LILRA2: variants seen among roughly 807,000 people sequenced by gnomAD.
LILRA2 encodes leukocyte immunoglobulin-like receptor subfamily A member 2.
LILRA2 carries 45 observed loss-of-function variants against 47.9 expected under a neutral mutation model. The ratio of observed to expected loss-of-function variants is 0.94; its 90% CI spans 0.74 to 1.20. The LOEUF is 1.20. Among genes scored for constraint, LILRA2 ranks in the 50% most tolerant of loss-of-function variants. The pLI is 0.00. For synonymous variants in LILRA2, 279 were observed against 249.2 expected (o/e 1.12, Z -1.13); for missense variants, 651 against 598.2 (o/e 1.09, Z -0.92).
In LILRA2 at chr19:54,576,078, C is replaced by A; in HGVS notation, c.1224C>A (p.Leu408=). ...SLSSNPYLLS[L]PSDPLELVVS... ...GCTCCAACCCCTACCTGCTGTCTCT[C>A]CCCAGTGACCCCCTGGAGCTCGTGG... The change falls in exon 6 of 8, where the codon CTC becomes CTA. Residue 408 remains leucine (L), a synonymous_variant. Transcript: ENST00000391738. 1 of 1,613,584 alleles carries A rather than the reference C, an allele frequency of 6.2e-7. No homozygotes were observed. Among genetic ancestry groups the A allele is most frequent in the Non-Finnish European group, 8.5e-7 (1 of 1,179,460 alleles).
At chr19:54,577,403 A>C (rs1352989451) in intron 6 of LILRA2, 1 of 1,186,760 alleles carries the variant, frequency 8.4e-7, no homozygotes, top group African/African-American at 1.6e-5. Flanking sequence ...GAAGAGAGGC[A>C]GGTGAGTTGG....
rs1222336328 is a variant in LILRA2 at position 54,590,250 on chromosome 19, G to A, written c.*2904G>A. 1 of 151,550 alleles carries A rather than the reference G, an allele frequency of 6.6e-6. No homozygotes were observed. The highest frequency in any genetic ancestry group is 1.9e-4 in the East Asian group (1 of 5,192). 9.4% of individuals were successfully genotyped at this position (151,550 alleles called of 1,614,324 possible). On this transcript the variant is annotated 3_prime_UTR_variant, in exon 8 of 8. Transcript: ENST00000391738. ...TTTTTTTCATTTCTAGTTTTTCTCC[G>A]ATGACTAATGAAAAATTTAATAAAT...
intron 6 of LILRA2, among the ~76,000 whole-genome samples, chr19:54,581,785 T>A (rs1303924111): frequency 6.6e-6 from 1 of 151,746 alleles, no homozygotes; most frequent in African/African-American, 2.4e-5. Context: ...AAGCTACCAA[T>A]GACTTTCTTC....
At chr19:54,585,186 G>A (rs1219100857) in intron 6 of LILRA2, among the ~76,000 whole-genome samples, 1 of 152,318 alleles carries the variant, frequency 6.6e-6, no homozygotes, top group African/African-American at 2.4e-5. Context: ...CCTGTTTGAG[G>A]TGTCTGTTGG....
rs2062897010 is a variant in LILRA2, at chr19:54,589,857, A to G, written c.*2511A>G. On this transcript the variant is annotated 3_prime_UTR_variant, in exon 8 of 8. Transcript: ENST00000391738. Reference sequence around the variant, plus strand: ...AGACAGGCACATGCCAGCTGTTTCCATTCATCCAACCTGAACCTGAGCCCC... The same window carrying G: ...AGACAGGCACATGCCAGCTGTTTCCGTTCATCCAACCTGAACCTGAGCCCC... The G allele has an allele frequency of 1.3e-5, 2 of 152,148 alleles. No homozygotes were observed. The highest frequency in any genetic ancestry group is 4.8e-5 in the African/African-American group (2 of 41,428). 9.4% of individuals were successfully genotyped at this position (152,148 alleles called of 1,614,324 possible).
Position 54,575,814 on chromosome 19 carries a change from C to T in LILRA2, c.960C>T (p.Phe320=), listed in dbSNP as rs762585553. 5.1e-5 allele frequency: 83 copies of T among 1,613,506 alleles called. No individual in the cohort carries two copies. The highest frequency in any genetic ancestry group is 6.7e-5 in the African/African-American group (5 of 74,794). The stretch of plus-strand genomic sequence containing the variant: ...CATCCTTCTTCTCTCTAGGACAGTT[C>T]TATGACAGACCCTCTCTCTCGGTGC... ...DPLDILITGQ[F]YDRPSLSVQP... Residue 320 remains phenylalanine, a synonymous_variant, in exon 6 of 8, where the codon TTC becomes TTT. Coordinates refer to ENST00000391738, the MANE Select transcript of LILRA2 (RefSeq NM_001130917.3).
At chr19:54,577,395 A>C in intron 6 of LILRA2, 13 of 1,162,574 alleles carry the variant, frequency 1.1e-5, no homozygotes, top group Non-Finnish European at 1.3e-5. Flanking sequence ...TGGAGGAGGA[A>C]GAGAGGCAGG....
chr19:54,574,039 T>C (rs1224817339), intron 1 of LILRA2, 37 bp from the exon 2 acceptor site: 1 of 1,614,028 alleles, frequency 6.2e-7, no homozygotes, highest in African/African-American at 1.3e-5. Flanking sequence ...TGCCCAGGCT[T>C]CAGGGGAAAA....
chr19:54,586,917 A>C, intron 6 of LILRA2, 93 bp from the exon 7 acceptor site: 1 of 903,506 alleles, frequency 1.1e-6, no homozygotes, highest in South Asian at 1.7e-5. Flanking sequence ...GAACTCCATA[A>C]AACTCATGTC....
upstream of LILRA2, chr19:54,573,415 G>A: frequency 1.0e-6 from 1 of 979,214 alleles, no homozygotes. Context: ...CATCTCCAGG[G>A]CTGGAGGGAC....
At chr19:54,587,110 C>T (rs2062834290) in intron 7 of LILRA2, 50 bp downstream of exon 7, 1 of 1,610,872 alleles carries the variant, frequency 6.2e-7, no homozygotes, top group Non-Finnish European at 8.5e-7. Context: ...AGGGTCAGGT[C>T]CTGTAAAGGG....
intron 6 of LILRA2, among the ~76,000 whole-genome samples, chr19:54,579,961 T>C (rs1300043104): frequency 2.0e-5 from 3 of 152,214 alleles, no homozygotes; most frequent in Non-Finnish European, 4.4e-5. Context: ...ATTGATTTTG[T>C]ATCCTGAGAC....
At chr19:54,577,421 A>T in intron 6 of LILRA2, 1 of 1,232,022 alleles carries the variant, frequency 8.1e-7, no homozygotes, top group Non-Finnish European at 1.0e-6. Context: ...TGGAGAGAGG[A>T]CAGATGGACA....
At chr19:54,575,675 C>G in intron 5 of LILRA2, 123 bp downstream of exon 5, 1 of 1,513,008 alleles carries the variant, frequency 6.6e-7, no homozygotes, top group Non-Finnish European at 9.0e-7. Flanking sequence ...CAGAGAGAGA[C>G]AGGGGATGGG....
intron 6 of LILRA2, among the ~76,000 whole-genome samples, chr19:54,579,235 G>C (rs1449904391): frequency 1.3e-5 from 2 of 152,118 alleles, no homozygotes; most frequent in Admixed American, 6.6e-5. Context: ...GGTTTTTATG[G>C]TGTTAGGTCT....
chr19:54,575,517 C>A lies in LILRA2; in HGVS notation c.917C>A (p.Ser306Ter). The A allele has an allele frequency of 6.2e-7, 1 of 1,612,508 alleles. No individual in the cohort carries two copies. Among genetic ancestry groups the A allele is most frequent in the Non-Finnish European group, 8.5e-7 (1 of 1,179,900 alleles). Residue 306 changes from serine to a stop codon, truncating the protein, a stop_gained, in exon 5 of 8, where the codon TCG becomes TAG. Coordinates refer to ENST00000391738, the MANE Select transcript of LILRA2 (RefSeq NM_001130917.3). LOFTEE classifies it high-confidence loss of function. ...GCACACAACCTCTCCTCCGAGTGGT[C>A]GGCCCCCAGTGACCCCCTGGACATC... ...YSAHNLSSEW[S>*]APSDPLDILI...
Position 54,573,889 on chromosome 19 carries a change from T to A in LILRA2, c.11T>A (p.Ile4Asn), listed in dbSNP as rs2062237697. 2 of 1,613,432 alleles carry A rather than the reference T, an allele frequency of 1.2e-6. No homozygotes were observed. Among genetic ancestry groups the A allele is most frequent in the Non-Finnish European group, 1.7e-6 (2 of 1,179,930 alleles). ...GTGGGAGGAGACGCCATGACCCCCA[T>A]CCTCACGGTCCTGATCTGTCTCGGT... Reference protein sequence around the residue: MTPILTVLICLGLS... With the variant: MTPNLTVLICLGLS... Residue 4 changes from isoleucine to asparagine, a missense_variant, in exon 1 of 8, where the codon ATC becomes AAC. Coordinates refer to ENST00000391738, the MANE Select transcript of LILRA2 (RefSeq NM_001130917.3).
chr19:54,586,715 G>C (rs73612441), intron 6 of LILRA2, among the ~76,000 whole-genome samples: 1,825 of 152,240 alleles, frequency 0.012, 14 homozygotes, highest in South Asian at 0.073. Flanking sequence ...GCTGCACAGA[G>C]AGCACATAAG....
At chr19:54,583,160 G>C (rs150604800) in intron 6 of LILRA2, among the ~76,000 whole-genome samples, 268 of 152,290 alleles carry the variant, frequency 1.8e-3, no homozygotes, top group African/African-American at 6.3e-3. Flanking sequence ...TGTGATTTCT[G>C]TTCTTTTACA....
Sources: gnomAD v4.1 joint callset for allele counts (sites outside exome capture counted in the v4.1 genomes callset) on GRCh38, gnomAD v4.1.1 for gene constraint, MANE v1.5 for transcripts, NCBI Gene and HGNC (gene_info 2026-07-23, HGNC 2026-07-21) for gene names.